The following NCOA7 variants were observed in gnomAD, a reference collection of about 807,000 sequenced individuals.
NCOA7 encodes the protein 140 kDa estrogen receptor-associated protein.
NCOA7 carries 45 observed loss-of-function variants against 104.3 expected under a neutral mutation model. The observed-to-expected ratio is 0.43, with a 90% CI of 0.34 to 0.55. The LOEUF (loss-of-function observed/expected upper bound fraction) is 0.55. Among genes scored for constraint, NCOA7 ranks in the 20% least tolerant of loss-of-function variants. The pLI, the probability that NCOA7 is intolerant of heterozygous loss-of-function variation, is 0.02. For missense variants in NCOA7, 1,041 were observed against 1,119.7 expected (o/e 0.93, Z 1.00); for synonymous variants, 398 against 402.3 (o/e 0.99, Z 0.13).
At chr6:125,885,095 T>G (rs1445720001) in intron 7 of NCOA7, 64 bp from the exon 8 acceptor site, 3 of 1,555,622 alleles carry the variant, frequency 1.9e-6, no homozygotes, top group Non-Finnish European at 2.6e-6. Flanking sequence ...TAATTAAAGC[T>G]CTGTGGTAGT....
chr6:125,860,383 T>C (rs973831695), intron 3 of NCOA7, among the ~76,000 whole-genome samples: 3 of 152,258 alleles, frequency 2.0e-5, no homozygotes, highest in African/African-American at 7.2e-5. Context: ...AGTCTTGCTC[T>C]GTTGCCCAGG....
At chr6:125,848,138 AGT>A (rs1403344590) in intron 2 of NCOA7, among the ~76,000 whole-genome samples, 2 of 152,224 alleles carry the variant, frequency 1.3e-5, no homozygotes, top group Admixed American at 1.3e-4. Context: ...ATCATTAAAA[AGT>A]CAGGAAACAA....
intron 10 of NCOA7, among the ~76,000 whole-genome samples, chr6:125,893,345 A>G (rs2128662778): frequency 6.6e-6 from 1 of 152,310 alleles, no homozygotes; most frequent in Admixed American, 6.5e-5. Flanking sequence ...CTTATCCACT[A>G]TGTTAAAAAT....
At chr6:125,806,121 A>G (rs1482782261) in intron 1 of NCOA7, among the ~76,000 whole-genome samples, 1 of 152,190 alleles carries the variant, frequency 6.6e-6, no homozygotes, top group African/African-American at 2.4e-5. Flanking sequence ...TGGGCAGATC[A>G]CCTGAAGTCA....
At chr6:125,800,253 AG>A (rs1775766046) in intron 1 of NCOA7, among the ~76,000 whole-genome samples, 1 of 152,234 alleles carries the variant, frequency 6.6e-6, no homozygotes. Context: ...ACCAAATCCC[AG>A]GGAATGTTGT....
In NCOA7 at chr6:125,862,862, G is replaced by A. The variant is rs181639296; in HGVS notation, c.271+7622G>A. ...TACAAAAAAATTAGCTGGACATGTGGTGCATGCCTGTAGTCCCAGCTACTG... is the reference window on the plus strand; with the variant it reads ...TACAAAAAAATTAGCTGGACATGTGATGCATGCCTGTAGTCCCAGCTACTG... On this transcript the variant is annotated intron_variant, in intron 3 of 15. Coordinates refer to ENST00000392477, the MANE Select transcript of NCOA7 (RefSeq NM_181782.5). Among the ~76,000 whole-genome samples, 2 of 138,136 alleles carry A rather than the reference G, an allele frequency of 1.4e-5. 1 individual carries two copies. The highest frequency in any genetic ancestry group is 3.1e-5 in the Non-Finnish European group (2 of 64,878). The allele number at this position is 138,136 out of a possible 152,430, so 90.6% of individuals were successfully genotyped here.
intron 1 of NCOA7, among the ~76,000 whole-genome samples, chr6:125,809,475 G>A (rs572569652): frequency 3.9e-5 from 6 of 152,270 alleles, no homozygotes; most frequent in African/African-American, 1.2e-4. Flanking sequence ...GAGCCACTGC[G>A]TCTGGGTACC....
At chr6:125,921,928 C>T (rs1246019656) in intron 12 of NCOA7, among the ~76,000 whole-genome samples, 1 of 152,200 alleles carries the variant, frequency 6.6e-6, no homozygotes, top group East Asian at 1.9e-4. Flanking sequence ...GCATTTCCCT[C>T]ATCAGTCAGC....
intron 11 of NCOA7, among the ~76,000 whole-genome samples, chr6:125,917,624 G>A (rs1414725383): frequency 6.6e-6 from 1 of 152,174 alleles, no homozygotes; most frequent in Admixed American, 6.5e-5. Flanking sequence ...TTTTGCTAAG[G>A]TTGAGGATGC....
intron 2 of NCOA7, among the ~76,000 whole-genome samples, chr6:125,835,473 A>C (rs1200174743): frequency 6.6e-6 from 1 of 152,054 alleles, no homozygotes; most frequent in Non-Finnish European, 1.5e-5. Context: ...TGGATTTGGG[A>C]CTCAAATAAT....
At chr6:125,885,635 A>G (rs1305088735) in intron 8 of NCOA7, among the ~76,000 whole-genome samples, 1 of 152,246 alleles carries the variant, frequency 6.6e-6, no homozygotes, top group African/African-American at 2.4e-5. Context: ...TAATGAAATT[A>G]TGAAGGAAGA....
At chr6:125,899,778 C>T (rs774359640) in intron 10 of NCOA7, 6 of 203,622 alleles carry the variant, frequency 2.9e-5, no homozygotes, top group Non-Finnish European at 6.5e-5. Context: ...TCCAAAAACA[C>T]CCTCTTAGGC....
At chr6:125,802,922 C>G (rs950195495) in intron 1 of NCOA7, among the ~76,000 whole-genome samples, 2 of 152,178 alleles carry the variant, frequency 1.3e-5, no homozygotes, top group Non-Finnish European at 2.9e-5. Flanking sequence ...GGCATATTCC[C>G]TGCTGCTTAG....
At chr6:125,891,669 C>A (rs1784634910) in intron 10 of NCOA7, among the ~76,000 whole-genome samples, 1 of 152,174 alleles carries the variant, frequency 6.6e-6, no homozygotes, top group Non-Finnish European at 1.5e-5. Flanking sequence ...AAATTAAATT[C>A]TAAGCAAGAG....
At chr6:125,836,331 C>A (rs1046509930) in intron 2 of NCOA7, among the ~76,000 whole-genome samples, 1 of 152,044 alleles carries the variant, frequency 6.6e-6, no homozygotes, top group Non-Finnish European at 1.5e-5. Context: ...TGTATACATG[C>A]GTTAAAATAT....
chr6:125,821,758 T>A (rs1182562301), intron 2 of NCOA7, among the ~76,000 whole-genome samples: 2 of 151,992 alleles, frequency 1.3e-5, no homozygotes, highest in African/African-American at 4.8e-5. Flanking sequence ...GGTGTTGCAT[T>A]ACAGTGATCC....
chr6:125,889,436 T>C lies in NCOA7; in HGVS notation c.1382T>C (p.Met461Thr). 1 of 1,614,022 alleles carries C rather than the reference T, an allele frequency of 6.2e-7. No homozygotes were observed. The highest frequency in any genetic ancestry group is 8.5e-7 in the Non-Finnish European group (1 of 1,179,972). The change falls in exon 9 of 16, where the codon ATG becomes ACG. Residue 461 changes from methionine to threonine, a missense_variant. Physicochemically the swap from Met to Thr is moderately conservative, Grantham distance 81 (BLOSUM62 -1). Transcript: ENST00000392477. ...ESQINNSAVE[M>T]QVQSALAFLG... is the part of the protein sequence containing the mutation. Reference sequence around the variant, plus strand: ...CAAATAAACAATTCTGCCGTGGAAATGCAGGTGCAGTCAGCCCTAGCCTTT... The same window carrying C: ...CAAATAAACAATTCTGCCGTGGAAACGCAGGTGCAGTCAGCCCTAGCCTTT...
chr6:125,849,896 G>A (rs1175385907), intron 2 of NCOA7, among the ~76,000 whole-genome samples: 1 of 152,130 alleles, frequency 6.6e-6, no homozygotes, highest in African/African-American at 2.4e-5. Flanking sequence ...TTTGCCAAGT[G>A]TATTTTTAGT....
rs188371141 is a variant in NCOA7, at chr6:125,880,598, G to T, written c.460-492G>T. On this transcript the variant is annotated intron_variant, in intron 5 of 15. Transcript: ENST00000392477. ...GCTGGAGTGCAGTGGCACGATCTTG[G>T]CTCACTGCAACCTCTGCCTCCTGGG... is the stretch of plus-strand genomic sequence containing the variant. Among the ~76,000 whole-genome samples, 651 of 152,024 alleles carry T rather than the reference G, an allele frequency of 4.3e-3. 4 individuals are homozygous for T. The highest frequency in any genetic ancestry group is 0.015 in the African/African-American group (622 of 41,428).
Sources: gnomAD v4.1 joint callset for allele counts (sites outside exome capture counted in the v4.1 genomes callset) on GRCh38, gnomAD v4.1.1 for gene constraint, MANE v1.5 for transcripts, NCBI Gene and HGNC (gene_info 2026-07-23, HGNC 2026-07-21) for gene names.